Variants in CAMK1D observed in about 807,000 individuals in gnomAD.
CAMK1D encodes calcium/calmodulin dependent protein kinase ID.
A neutral mutation model predicts 47.7 loss-of-function variants in CAMK1D; 9 were observed. That is an observed-to-expected ratio of 0.19 (90% CI 0.11 to 0.33). The LOEUF (loss-of-function observed/expected upper bound fraction) is 0.33, where lower values mean the gene tolerates loss of function less well. CAMK1D is among the 10% of genes least tolerant of loss of function. The pLI, the probability that CAMK1D is intolerant of heterozygous loss-of-function variation, is 1.00. For missense variants in CAMK1D, 291 were observed against 488.7 expected (o/e 0.60, Z 3.81); for synonymous variants, 184 against 184.9 (o/e 0.99, Z 0.04).
At chr10:12,376,274 A>G (rs1395121756) in intron 1 of CAMK1D, among the ~76,000 whole-genome samples, 1 of 151,540 alleles carries the variant, frequency 6.6e-6, no homozygotes, top group Non-Finnish European at 1.5e-5. Context: ...CCTTTACCCC[A>G]TCACCAACCC....
At chr10:12,685,547 T>A (rs1832627331) in intron 3 of CAMK1D, among the ~76,000 whole-genome samples, 2 of 152,198 alleles carry the variant, frequency 1.3e-5, no homozygotes, top group Admixed American at 6.5e-5. Flanking sequence ...TACGACTTGC[T>A]TAGCCAGTAG....
At chr10:12,613,640 G>A (rs1482753832) in intron 2 of CAMK1D, among the ~76,000 whole-genome samples, 2 of 152,138 alleles carry the variant, frequency 1.3e-5, no homozygotes, top group South Asian at 2.1e-4. Context: ...CACCATGCCT[G>A]GCTCATTTTT....
intron 3 of CAMK1D, among the ~76,000 whole-genome samples, chr10:12,694,577 A>ATTTT (rs1406325865): frequency 2.3e-5 from 2 of 85,456 alleles, no homozygotes; most frequent in Admixed American, 1.4e-4. Flanking sequence ...AATATATAAA[A>ATTTT]ATATATCATA....
chr10:12,492,096 T>C (rs1834402346), intron 1 of CAMK1D, among the ~76,000 whole-genome samples: 1 of 151,624 alleles, frequency 6.6e-6, no homozygotes, highest in African/African-American at 2.4e-5. Flanking sequence ...GTTTAATGCA[T>C]TTCTGACTGG....
intron 3 of CAMK1D, among the ~76,000 whole-genome samples, chr10:12,689,867 GA>G (rs1201921515): frequency 1.5e-4 from 23 of 152,236 alleles, no homozygotes; most frequent in African/African-American, 4.8e-4. Context: ...GGGGGAAAAT[GA>G]GGTCTATGTT....
rs536930804 is a variant in CAMK1D, at chr10:12,754,844, G to A, written c.300-6104G>A. On this transcript the variant is annotated intron_variant, in intron 3 of 10. Transcript: ENST00000619168. Reference sequence around the variant, plus strand: ...GATTAGGGCCCATCCATATGACCTCGTTAAACCTTAGTTACCTCTTTAAAG... The same window carrying A: ...GATTAGGGCCCATCCATATGACCTCATTAAACCTTAGTTACCTCTTTAAAG... 3.3e-5 allele frequency among the ~76,000 whole-genome samples: 5 copies of A among 152,188 alleles called. 1 individual carries two copies. Among genetic ancestry groups the A allele is most frequent in the Middle Eastern group, 6.8e-3 (2 of 294 alleles).
At chr10:12,777,489 C>T (rs1446302228) in intron 5 of CAMK1D, among the ~76,000 whole-genome samples, 1 of 150,608 alleles carries the variant, frequency 6.6e-6, no homozygotes, top group African/African-American at 2.4e-5. Flanking sequence ...TGTCCTGCCT[C>T]AGCCTCCCGA....
At chr10:12,691,094 A>G (rs1832859448) in intron 3 of CAMK1D, among the ~76,000 whole-genome samples, 1 of 152,028 alleles carries the variant, frequency 6.6e-6, no homozygotes, top group African/African-American at 2.4e-5. Flanking sequence ...TGAACCATGA[A>G]TCCCTGAAAC....
chr10:12,749,573 TG>T (rs1471218756), intron 3 of CAMK1D, among the ~76,000 whole-genome samples: 5 of 151,060 alleles, frequency 3.3e-5, no homozygotes, highest in African/African-American at 7.3e-5. Flanking sequence ...TTTGTTTGTT[TG>T]TTTTGATGAA....
intron 1 of CAMK1D, among the ~76,000 whole-genome samples, chr10:12,427,086 G>C (rs771286584): frequency 6.6e-6 from 1 of 152,188 alleles, no homozygotes; most frequent in Non-Finnish European, 1.5e-5. Flanking sequence ...CTGGGCTCAA[G>C]CGATCCTCCT....
chr10:12,395,983 C>T (rs1838935675), intron 1 of CAMK1D, among the ~76,000 whole-genome samples: 1 of 151,802 alleles, frequency 6.6e-6, no homozygotes, highest in Non-Finnish European at 1.5e-5. Flanking sequence ...AAGCGATTCT[C>T]CTGCCTCAGC....
At chr10:12,824,434 C>T (rs760989056) in intron 8 of CAMK1D, 31 bp from the exon 9 acceptor site, 1 of 1,601,588 alleles carries the variant, frequency 6.2e-7, no homozygotes, top group Non-Finnish European at 8.6e-7. Context: ...AGAAGAAGCA[C>T]TTCAGAGCAG....
intron 1 of CAMK1D, among the ~76,000 whole-genome samples, chr10:12,478,266 C>T (rs1255035869): frequency 2.6e-5 from 4 of 151,580 alleles, no homozygotes; most frequent in Admixed American, 2.6e-4. Flanking sequence ...CCTCGGCCTC[C>T]CAAAGTGCTG....
chr10:12,769,319 A>C (rs1364767891), intron 4 of CAMK1D, among the ~76,000 whole-genome samples: 1 of 152,210 alleles, frequency 6.6e-6, no homozygotes, highest in East Asian at 1.9e-4. Context: ...AAGCACCTGC[A>C]AGAGTTACTT....
chr10:12,459,855 G>T (rs557039723), intron 1 of CAMK1D, among the ~76,000 whole-genome samples: 3 of 152,296 alleles, frequency 2.0e-5, no homozygotes, highest in South Asian at 4.1e-4. Context: ...CAAAGCCGTG[G>T]GGAAAGGCGG....
At chr10:12,739,769 A>G (rs1835348702) in intron 3 of CAMK1D, among the ~76,000 whole-genome samples, 1 of 152,104 alleles carries the variant, frequency 6.6e-6, no homozygotes, top group Non-Finnish European at 1.5e-5. Flanking sequence ...AGAAATTTCA[A>G]AAGACCCCTA....
rs114093778 is a variant in CAMK1D, at chr10:12,553,376, C to T, written c.224+20C>T. The T allele has an allele frequency of 9.1e-3, 14,382 of 1,574,910 alleles. 343 individuals are homozygous for T. The highest frequency in any genetic ancestry group is 0.064 in the African/African-American group (4,726 of 74,270). On this transcript the variant is annotated intron_variant, in intron 2 of 10. Coordinates refer to ENST00000619168, the MANE Select transcript of CAMK1D (RefSeq NM_153498.4). The stretch of plus-strand genomic sequence containing the variant: ...GAGAAAGTAAGTGCTGGAGGGCAAC[C>T]CTCCTCCCTTCCCTACCTCCTGGCC...
At chr10:12,784,352 C>T (rs1016056586) in intron 5 of CAMK1D, among the ~76,000 whole-genome samples, 11 of 152,044 alleles carry the variant, frequency 7.2e-5, no homozygotes, top group Admixed American at 2.0e-4. Context: ...CATCCACCAC[C>T]GCGTCTGGCT....
At chr10:12,537,865 G>T (rs1194958249) in intron 1 of CAMK1D, among the ~76,000 whole-genome samples, 3 of 152,108 alleles carry the variant, frequency 2.0e-5, no homozygotes, top group Admixed American at 1.3e-4. Flanking sequence ...CCCCTAAAAT[G>T]TTCCAACATT....
Sources: allele counts gnomAD v4.1 joint callset (sites outside exome capture counted in the v4.1 genomes callset), GRCh38; gene constraint gnomAD v4.1.1; transcripts MANE v1.5; gene names NCBI Gene and HGNC (gene_info 2026-07-23, HGNC 2026-07-21).